Variants in ERICH3 observed in about 807,000 individuals in gnomAD.
ERICH3 encodes glutamate rich 3.
A neutral mutation model predicts 131.1 loss-of-function variants in ERICH3; 126 were observed. The ratio of observed to expected loss-of-function variants is 0.96; its 90% CI spans 0.83 to 1.11. The LOEUF (loss-of-function observed/expected upper bound fraction) is 1.11, where lower values mean the gene tolerates loss of function less well. Ranked by LOEUF, ERICH3 falls within the 50% of genes most tolerant of loss-of-function variation. ERICH3 has a pLI of 0.00. For missense variants in ERICH3, 2,050 were observed against 1,810.7 expected (o/e 1.13, Z -2.40); for synonymous variants, 695 against 644.6 (o/e 1.08, Z -1.18).
Position 74,572,698 on chromosome 1 carries a change from G to A in ERICH3, c.3012C>T (p.Ser1004=). ...LSPFTGEAEA[S]RMQVSEGSPE... is the part of the protein sequence containing the mutation. ...GGCTGCCCTCCGAAACCTGCATCCG[G>A]CTTGCCTCTGCCTCTCCTGTGAAGG... The change falls in exon 14 of 15, where the codon AGC becomes AGT. Residue 1004 remains serine (S), a synonymous_variant. Transcript: ENST00000326665. The A allele has an allele frequency of 6.2e-7, 1 of 1,613,558 alleles. No homozygotes were observed. Among genetic ancestry groups the A allele is most frequent in the African/African-American group, 1.3e-5 (1 of 74,826 alleles).
intron 6 of ERICH3, among the ~76,000 whole-genome samples, chr1:74,632,573 C>A (rs1396756396): frequency 1.3e-5 from 2 of 151,922 alleles, no homozygotes; most frequent in East Asian, 3.9e-4. Context: ...TGCACACACA[C>A]ACACATATAT....
chr1:74,660,807 A>G (rs747053361), intron 1 of ERICH3, among the ~76,000 whole-genome samples: 1 of 151,838 alleles, frequency 6.6e-6, no homozygotes, highest in Non-Finnish European at 1.5e-5. Context: ...ATGGTACCTA[A>G]TGGCTGTCAG....
chr1:74,586,885 CCCGA>C (rs1203674573), intron 12 of ERICH3, among the ~76,000 whole-genome samples: 1 of 152,032 alleles, frequency 6.6e-6, no homozygotes, highest in African/African-American at 2.4e-5. Context: ...AAATAAAGAG[CCCGA>C]CCAAATGTTA....
Position 74,589,362 on chromosome 1 carries a change from C to G in ERICH3, c.2176+269G>C, listed in dbSNP as rs757061919. 1.1e-4 allele frequency: 59 copies of G among 540,050 alleles called. 1 individual carries two copies. The highest frequency in any genetic ancestry group is 1.8e-4 in the Non-Finnish European group (54 of 307,836). The allele number at this position is 540,050 out of a possible 1,614,324, so 33.5% of individuals were successfully genotyped here. A position where few individuals can be genotyped will look rare whatever the true frequency, so the allele number is the denominator to read the frequency against. On this transcript the variant is annotated intron_variant, in intron 12 of 14. Coordinates refer to ENST00000326665, the MANE Select transcript of ERICH3 (RefSeq NM_001002912.5). ...ACACATACTGTGCTTTATTTCATTCCTGAGATGGAATTCCCATAGGAGGGA... is the reference window on the plus strand; with the variant it reads ...ACACATACTGTGCTTTATTTCATTCGTGAGATGGAATTCCCATAGGAGGGA...
At chr1:74,575,749 C>A (rs746139102) in intron 13 of ERICH3, among the ~76,000 whole-genome samples, 2 of 152,120 alleles carry the variant, frequency 1.3e-5, no homozygotes, top group Non-Finnish European at 2.9e-5. Context: ...AATAAAATTG[C>A]CTAGCCACCA....
chr1:74,607,322 T>C (rs1277643335), intron 9 of ERICH3, among the ~76,000 whole-genome samples: 1 of 151,918 alleles, frequency 6.6e-6, no homozygotes, highest in Non-Finnish European at 1.5e-5. Flanking sequence ...TTTGTGATAA[T>C]AGAACATGCA....
chr1:74,594,434 G>T (rs1275295315), intron 11 of ERICH3, among the ~76,000 whole-genome samples: 2 of 151,988 alleles, frequency 1.3e-5, no homozygotes, highest in Non-Finnish European at 2.9e-5. Flanking sequence ...GATAAAGTCT[G>T]CTCTCCCTCC....
intron 13 of ERICH3, 60 bp from the exon 14 acceptor site, chr1:74,573,551 A>G: frequency 1.4e-6 from 2 of 1,442,892 alleles, no homozygotes; most frequent in Non-Finnish European, 1.8e-6. Context: ...GGGAGGGGAC[A>G]CTATAATCTT....
chr1:74,572,645 GC>G lies in ERICH3; in HGVS notation c.3064del (p.Ala1022ProfsTer14), dbSNP rs773337810. On this transcript the variant is annotated frameshift_variant, in exon 14 of 15. Coordinates refer to ENST00000326665, the MANE Select transcript of ERICH3 (RefSeq NM_001002912.5). LOFTEE classifies it high-confidence loss of function. Reference protein sequence around the residue: ...SPEEGSLAKEAFLCKEDVEGE... With the variant: ...SPEEGSLAKEXFLCKEDVEGE... ...TTCCACATCTTCCTTGCAAAGGAAGGCTTCCTTTGCAAGGCTTCCTTCCTCA... is the reference window on the plus strand; with the variant it reads ...TTCCACATCTTCCTTGCAAAGGAAGGTTCCTTTGCAAGGCTTCCTTCCTCA... 1 of 1,613,758 alleles carries G rather than the reference GC, an allele frequency of 6.2e-7. No individual in the cohort carries two copies. The highest frequency in any genetic ancestry group is 8.5e-7 in the Non-Finnish European group (1 of 1,179,934).
Position 74,572,188 on chromosome 1 carries a change from C to T in ERICH3, c.3522G>A (p.Arg1174=). The T allele has an allele frequency of 6.2e-7, 1 of 1,614,164 alleles. No individual in the cohort carries two copies. Among genetic ancestry groups the T allele is most frequent in the Admixed American group, 1.7e-5 (1 of 60,018 alleles). Residue 1174 remains arginine (R), a synonymous_variant, in exon 14 of 15, where the codon AGG becomes AGA. Transcript: ENST00000326665. Reference sequence around the variant, plus strand: ...TCAGTCTTTCCCCTCCTCCTTCTTTCCTCAGAGCTGTTATGTTTTCCAGCG... The same window carrying T: ...TCAGTCTTTCCCCTCCTCCTTCTTTTCTCAGAGCTGTTATGTTTTCCAGCG... ...EKSLENITAL[R]KEGGGERLSE... is the part of the protein sequence containing the mutation.
intron 11 of ERICH3, among the ~76,000 whole-genome samples, chr1:74,595,878 T>C (rs1647822206): frequency 6.6e-6 from 1 of 152,014 alleles, no homozygotes; most frequent in African/African-American, 2.4e-5. Flanking sequence ...ACGCAAAAAA[T>C]CACACATATT....
At chr1:74,647,150 G>C (rs1646492975) in intron 2 of ERICH3, among the ~76,000 whole-genome samples, 1 of 152,088 alleles carries the variant, frequency 6.6e-6, no homozygotes, top group Non-Finnish European at 1.5e-5. Flanking sequence ...TGGCACACTT[G>C]ACGTTTAAAA....
chr1:74,597,003 A>C (rs1279499490), intron 11 of ERICH3, among the ~76,000 whole-genome samples: 1 of 152,104 alleles, frequency 6.6e-6, no homozygotes, highest in Non-Finnish European at 1.5e-5. Flanking sequence ...AGGCAGGTTC[A>C]AATGAAACAC....
At position 74,569,222 on chromosome 1, in the gene ERICH3, C is replaced by T. The variant is rs539180470; in HGVS notation, c.*1236G>A. On this transcript the variant is annotated 3_prime_UTR_variant, in exon 15 of 15. Coordinates refer to ENST00000326665, the MANE Select transcript of ERICH3 (RefSeq NM_001002912.5). ...TACTGATGTGTAGATCCATCTAAAA[C>T]GAATTAAGTCTGAATCTCTGGGGTG... is the stretch of plus-strand genomic sequence containing the variant. The T allele has an allele frequency of 2.4e-5, 3 of 124,048 alleles. No homozygotes were observed. Among genetic ancestry groups the T allele is most frequent in the Admixed American group, 7.8e-5 (1 of 12,740 alleles). The allele number at this position is 124,048 out of a possible 1,614,324, so 7.7% of individuals were successfully genotyped here.
Position 74,606,718 on chromosome 1 carries a change from C to G in ERICH3, c.1372G>C (p.Ala458Pro). ...NKTSVSAKFS[A>P]QEIKTGLKEV... ...TTGAGCCCTGTTTTTATTTCTTGAGCTGAAAATTTGGCTGAAACAGAGGTT... is the reference window on the plus strand; with the variant it reads ...TTGAGCCCTGTTTTTATTTCTTGAGGTGAAAATTTGGCTGAAACAGAGGTT... The change falls in exon 10 of 15, where the codon GCT (alanine) becomes CCT (proline). Residue 458 changes from alanine (A) to proline (P), a missense_variant. Ala to Pro is a conservative substitution (Grantham distance 27, BLOSUM62 -1). Coordinates refer to ENST00000326665, the MANE Select transcript of ERICH3 (RefSeq NM_001002912.5). The G allele has an allele frequency of 6.2e-7, 1 of 1,613,398 alleles. No homozygotes were observed. Among genetic ancestry groups the G allele is most frequent in the Non-Finnish European group, 8.5e-7 (1 of 1,179,572 alleles).
rs1031708022 is a variant in ERICH3 at position 74,636,398 on chromosome 1, G to A, written c.485C>T (p.Pro162Leu). ...RPYTAPGNMQ[P>L]PIRLQPLPSN... ...GGGAAGAGGCTGTAATCGAATTGGA[G>A]GCTGCATATTTCCTGGAGCAGTATA... is the stretch of plus-strand genomic sequence containing the variant. Residue 162 changes from proline to leucine, a missense_variant, in exon 6 of 15, where the codon CCT becomes CTT. Physicochemically the swap from Pro to Leu is moderately conservative, Grantham distance 98. Transcript: ENST00000326665. The A allele has an allele frequency of 1.2e-6, 2 of 1,612,822 alleles. No homozygotes were observed. The highest frequency in any genetic ancestry group is 1.7e-6 in the Non-Finnish European group (2 of 1,179,216).
Position 74,572,740 on chromosome 1 carries a change from T to A in ERICH3, c.2970A>T (p.Thr990=). The change falls in exon 14 of 15, where the codon ACA becomes ACT. Residue 990 remains threonine (T), a synonymous_variant. Coordinates refer to ENST00000326665, the MANE Select transcript of ERICH3 (RefSeq NM_001002912.5). ...CTGTGAAGGGGCTCAAGCGTGTTTCTGTTCTCATAACCTCTTTTCTCTCTT... is the reference window on the plus strand; with the variant it reads ...CTGTGAAGGGGCTCAAGCGTGTTTCAGTTCTCATAACCTCTTTTCTCTCTT... ...PAKERKEVMR[T]ETRLSPFTGE... is the part of the protein sequence containing the mutation. The A allele has an allele frequency of 1.2e-6, 2 of 1,613,946 alleles. No individual in the cohort carries two copies. The highest frequency in any genetic ancestry group is 2.7e-5 in the African/African-American group (2 of 74,980).
Position 74,572,078 on chromosome 1 carries a change from T to C in ERICH3, c.3632A>G (p.Asp1211Gly). 6.2e-7 allele frequency: 1 copy of C among 1,614,230 alleles called. No individual in the cohort carries two copies. The highest frequency in any genetic ancestry group is 8.5e-7 in the Non-Finnish European group (1 of 1,180,034). ...NRALKEGHRQ[D>G]GEGALAAPEA... Reference sequence around the variant, plus strand: ...AGGAGCTGCTAAGGCCCCCTCTCCATCTTGGCGGTGCCCTTCCTTCAGGGC... The same window carrying C: ...AGGAGCTGCTAAGGCCCCCTCTCCACCTTGGCGGTGCCCTTCCTTCAGGGC... Residue 1211 changes from aspartate (D) to glycine (G), a missense_variant, in exon 14 of 15, where the codon GAT (aspartate) becomes GGT (glycine). By Grantham distance (94) the Asp-to-Gly change is moderately conservative (BLOSUM62 -1). Coordinates refer to ENST00000326665, the MANE Select transcript of ERICH3 (RefSeq NM_001002912.5).
chr1:74,673,710 C>T lies in ERICH3; in HGVS notation c.-191G>A. 4.3e-6 allele frequency: 2 copies of T among 459,870 alleles called. No homozygotes were observed. Among genetic ancestry groups the T allele is most frequent in the South Asian group, 5.6e-5 (1 of 17,756 alleles). The allele number at this position is 459,870 out of a possible 1,614,324, so 28.5% of individuals were successfully genotyped here. ...TACCCGCAGCCTCCCGGGCTCCCAC[C>T]CTCCGTTGGTATCCACAGCTTCCCT... On this transcript the variant is annotated 5_prime_UTR_variant, in exon 1 of 15. Coordinates refer to ENST00000326665, the MANE Select transcript of ERICH3 (RefSeq NM_001002912.5).
Sources: gnomAD v4.1 joint callset for allele counts (sites outside exome capture counted in the v4.1 genomes callset) on GRCh38, gnomAD v4.1.1 for gene constraint, MANE v1.5 for transcripts, NCBI Gene and HGNC (gene_info 2026-07-23, HGNC 2026-07-21) for gene names.